VWC2L: variants seen among roughly 807,000 people sequenced by gnomAD.
The protein encoded by VWC2L is von Willebrand factor C domain containing 2 like, also known as von Willebrand factor C domain-containing protein 2-like.
VWC2L carries 10 observed loss-of-function variants against 21.6 expected under a neutral mutation model. That is an observed-to-expected ratio of 0.46 (90% confidence interval 0.29 to 0.78). VWC2L has a LOEUF of 0.78. Ranked by LOEUF, VWC2L falls within the 30% of genes least tolerant of loss-of-function variation. The pLI is 0.10. For missense variants in VWC2L, 209 were observed against 277.1 expected (o/e 0.75, Z 1.74); for synonymous variants, 96 against 94.3 (o/e 1.02, Z -0.10).
chr2:214,509,279 G>A (rs1470585914), intron 3 of VWC2L, among the ~76,000 whole-genome samples: 1 of 152,152 alleles, frequency 6.6e-6, no homozygotes, highest in Non-Finnish European at 1.5e-5. Context: ...GGCAATTGAT[G>A]AAATAGTAAT....
chr2:214,442,972 T>C (rs1352249213), intron 3 of VWC2L, among the ~76,000 whole-genome samples: 1 of 152,150 alleles, frequency 6.6e-6, no homozygotes, highest in East Asian at 1.9e-4. Flanking sequence ...ATCAATTACG[T>C]GAATATTTCT....
intron 3 of VWC2L, among the ~76,000 whole-genome samples, chr2:214,508,459 C>T (rs1689001715): frequency 6.6e-6 from 1 of 152,188 alleles, no homozygotes; most frequent in Non-Finnish European, 1.5e-5. Flanking sequence ...ATAACATTTA[C>T]AGTTTCCTAT....
intron 3 of VWC2L, among the ~76,000 whole-genome samples, chr2:214,530,804 A>T (rs1256421818): frequency 1.3e-5 from 2 of 152,206 alleles, no homozygotes; most frequent in Non-Finnish European, 2.9e-5. Flanking sequence ...TCATAAGCAA[A>T]GCTCATTACT....
chr2:214,544,000 G>T (rs1689666525), intron 3 of VWC2L, among the ~76,000 whole-genome samples: 1 of 152,160 alleles, frequency 6.6e-6, no homozygotes, highest in African/African-American at 2.4e-5. Context: ...TCTTACGATT[G>T]TACTTGGCTA....
intron 3 of VWC2L, among the ~76,000 whole-genome samples, chr2:214,529,662 A>G (rs185145263): frequency 6.6e-6 from 1 of 152,264 alleles, no homozygotes; most frequent in East Asian, 1.9e-4. Context: ...GCAGCTTTAT[A>G]TCTAAATTAT....
intron 3 of VWC2L, among the ~76,000 whole-genome samples, chr2:214,441,391 G>A (rs1029357339): frequency 6.6e-6 from 1 of 151,948 alleles, no homozygotes; most frequent in African/African-American, 2.4e-5. Context: ...AAAATGAATT[G>A]TCTAATAAAT....
At chr2:214,413,273 T>C (rs1390022592) in intron 1 of VWC2L, among the ~76,000 whole-genome samples, 7 of 152,040 alleles carry the variant, frequency 4.6e-5, no homozygotes, top group Admixed American at 4.6e-4. Flanking sequence ...TTAATTTAAA[T>C]AATATTACAT....
intron 2 of VWC2L, among the ~76,000 whole-genome samples, chr2:214,429,942 G>T (rs527875004): frequency 3.2e-4 from 48 of 152,156 alleles, no homozygotes; most frequent in African/African-American, 1.0e-3. Context: ...TACTGCCTCA[G>T]CCTTCCGAGT....
intron 3 of VWC2L, among the ~76,000 whole-genome samples, chr2:214,569,010 A>C (rs914707766): frequency 3.9e-5 from 6 of 152,158 alleles, no homozygotes; most frequent in Admixed American, 1.3e-4. Flanking sequence ...CTTTTCCCTT[A>C]GGACTTTACT....
chr2:214,458,551 C>T (rs906747711), intron 3 of VWC2L, among the ~76,000 whole-genome samples: 1 of 151,836 alleles, frequency 6.6e-6, no homozygotes, highest in African/African-American at 2.4e-5. Flanking sequence ...TTCTACTTTT[C>T]GGATGTAGGT....
rs577860440 is a variant in VWC2L, at chr2:214,554,033, C to T, written c.521-21639C>T. 2.0e-5 allele frequency among the ~76,000 whole-genome samples: 3 copies of T among 152,190 alleles called. No individual in the cohort carries two copies. In the East Asian group the frequency reaches 5.8e-4, roughly 30 times the overall value. On this transcript the variant is annotated intron_variant, in intron 3 of 3. Coordinates refer to ENST00000312504, the MANE Select transcript of VWC2L (RefSeq NM_001080500.4). Reference sequence around the variant, plus strand: ...ATTTATCCCTCCAATAGACCACAAGCCCATCTTTGCCCAGGCCACTAACTC... The same window carrying T: ...ATTTATCCCTCCAATAGACCACAAGTCCATCTTTGCCCAGGCCACTAACTC...
intron 3 of VWC2L, among the ~76,000 whole-genome samples, chr2:214,541,929 A>C (rs955797912): frequency 6.8e-6 from 1 of 147,188 alleles, no homozygotes; most frequent in Non-Finnish European, 1.5e-5. Flanking sequence ...TTTTTCCCAG[A>C]GGTAAAAGTG....
At chr2:214,512,311 T>C (rs1689068402) in intron 3 of VWC2L, among the ~76,000 whole-genome samples, 1 of 152,118 alleles carries the variant, frequency 6.6e-6, no homozygotes. Context: ...ATTTTCACTA[T>C]ACCAAATACT....
chr2:214,483,310 G>A (rs1324743767), intron 3 of VWC2L, among the ~76,000 whole-genome samples: 1 of 151,802 alleles, frequency 6.6e-6, no homozygotes, highest in African/African-American at 2.4e-5. Flanking sequence ...ACTCTGATAA[G>A]CCATAATACA....
chr2:214,434,136 T>C (rs1702642591), intron 2 of VWC2L, among the ~76,000 whole-genome samples: 1 of 152,154 alleles, frequency 6.6e-6, no homozygotes, highest in African/African-American at 2.4e-5. Context: ...CTCATTTATG[T>C]TTTTCATTAT....
intron 3 of VWC2L, among the ~76,000 whole-genome samples, chr2:214,521,190 A>C (rs1574613602): frequency 6.6e-6 from 1 of 151,620 alleles, no homozygotes; most frequent in East Asian, 1.9e-4. Context: ...GCGCCACTGC[A>C]CTCCAGCCTG....
At chr2:214,470,166 ATAAGG>A (rs1703282905) in intron 3 of VWC2L, among the ~76,000 whole-genome samples, 1 of 152,192 alleles carries the variant, frequency 6.6e-6, no homozygotes. Flanking sequence ...AGCTGGATGC[ATAAGG>A]TAAAGCTGAA....
intron 3 of VWC2L, among the ~76,000 whole-genome samples, chr2:214,439,495 T>C (rs1354787449): frequency 1.3e-5 from 2 of 152,012 alleles, no homozygotes; most frequent in Non-Finnish European, 2.9e-5. Flanking sequence ...AATTCTAACC[T>C]ATAAACAGTC....
chr2:214,539,255 C>T (rs1377147544), intron 3 of VWC2L, among the ~76,000 whole-genome samples: 1 of 152,106 alleles, frequency 6.6e-6, no homozygotes, highest in African/African-American at 2.4e-5. Context: ...CAATTGGCAT[C>T]AAGGGAAACG....
Sources: allele counts gnomAD v4.1 joint callset (sites outside exome capture counted in the v4.1 genomes callset), GRCh38; gene constraint gnomAD v4.1.1; transcripts MANE v1.5; gene names NCBI Gene and HGNC (gene_info 2026-07-23, HGNC 2026-07-21).